MED23: variants seen among roughly 807,000 people sequenced by gnomAD.
MED23 encodes the protein mediator complex subunit 23.
MED23 carries 105 observed loss-of-function variants against 163.9 expected under a neutral mutation model. The observed-to-expected ratio is 0.64, with a 90% confidence interval of 0.55 to 0.75. The LOEUF (loss-of-function observed/expected upper bound fraction) is 0.75. Ranked by LOEUF, MED23 falls within the 30% of genes least tolerant of loss-of-function variation. MED23 has a pLI of 0.00. For synonymous variants in MED23, 561 were observed against 565.6 expected, an observed-to-expected ratio of 0.99 and a Z score of 0.12; for missense variants, 1,054 against 1,649.0, an observed-to-expected ratio of 0.64 and a Z score of 6.25.
At chr6:131,583,911 G>T, downstream of MED23, 1 of 1,613,922 alleles carries the variant, frequency 6.2e-7, no homozygotes, top group Non-Finnish European at 8.5e-7. Flanking sequence ...CTAAGTAAAT[G>T]TGGAAACATC....
At chr6:131,608,658 G>A (rs1350254002) in intron 11 of MED23, among the ~76,000 whole-genome samples, 6 of 151,970 alleles carry the variant, frequency 3.9e-5, no homozygotes, top group Non-Finnish European at 7.4e-5. Context: ...CACCGGCTTC[G>A]GCCTCCCAAA....
chr6:131,618,314 G>C, intron 9 of MED23, 93 bp downstream of exon 9: 2 of 845,556 alleles, frequency 2.4e-6, no homozygotes, highest in African/African-American at 3.4e-5. Context: ...TACTTCTTCA[G>C]ATTATGAAGC....
intron 17 of MED23, among the ~76,000 whole-genome samples, chr6:131,601,565 C>CA (rs1000944373): frequency 6.6e-6 from 1 of 152,134 alleles, no homozygotes; most frequent in Non-Finnish European, 1.5e-5. Context: ...AGAACATTCC[C>CA]AATTATCTGA....
rs1774875550 is a variant in MED23 at position 131,594,282 on chromosome 6, T to G, written c.3049A>C (p.Arg1017=). 6.2e-7 allele frequency: 1 copy of G among 1,614,042 alleles called. No individual in the cohort carries two copies. Among genetic ancestry groups the G allele is most frequent in the South Asian group, 1.1e-5 (1 of 91,078 alleles). ...TTTCGTTTGAGAAATGCGCGGTCTC[T>G]CAGGTGCATTTCATAATAGTGCAGA... is the stretch of plus-strand genomic sequence containing the variant. ...NTLHYYEMHL[R]DRAFLKRKLV... is the part of the protein sequence containing the mutation. Residue 1017 remains arginine (R), a synonymous_variant, in exon 23 of 29, where the codon AGA becomes CGA. Transcript: ENST00000368068.
chr6:131,574,075 G>T, exon 31 of MED23: 4 of 606,330 alleles, frequency 6.6e-6, no homozygotes, highest in Admixed American at 5.3e-5. Context: ...TTTTTTTTCT[G>T]CCTGGGCACA....
At chr6:131,616,742 G>A (rs1776718412) in intron 9 of MED23, among the ~76,000 whole-genome samples, 1 of 152,186 alleles carries the variant, frequency 6.6e-6, no homozygotes, top group South Asian at 2.1e-4. Flanking sequence ...GGTCACCTGA[G>A]CCCCAAAGGT....
At chr6:131,613,091 C>T (rs1776398015) in intron 10 of MED23, among the ~76,000 whole-genome samples, 1 of 151,802 alleles carries the variant, frequency 6.6e-6, no homozygotes, top group African/African-American at 2.4e-5. Context: ...AAGAAAGTTA[C>T]CCATAATCAG....
At position 131,627,676 on chromosome 6, in the gene MED23, TA is replaced by T. The variant is rs200823095; in HGVS notation, c.40-5del. On this transcript the variant is annotated splice_region_variant and splice_polypyrimidine_tract_variant and intron_variant, in intron 1 of 28. Coordinates refer to ENST00000368068, the MANE Select transcript of MED23 (RefSeq NM_004830.4). ...CCTCTTCTATAACTTCCGTTTTCTGTAAAAAAAAAAAAAACAAAATGTAAAC... is the reference window on the plus strand; with the variant it reads ...CCTCTTCTATAACTTCCGTTTTCTGTAAAAAAAAAAAAACAAAATGTAAAC... 65,653 of 1,367,116 alleles carry T rather than the reference TA, an allele frequency of 0.048. No homozygotes were observed. Among genetic ancestry groups the T allele is most frequent in the Non-Finnish European group, 0.052 (52,340 of 999,674 alleles). 84.7% of individuals were successfully genotyped at this position (1,367,116 alleles called of 1,614,324 possible). A position where few individuals can be genotyped will look rare whatever the true frequency, so the allele number is the denominator to read the frequency against.
At chr6:131,580,890 AG>A (rs1409812781) in intron 30 of MED23, among the ~76,000 whole-genome samples, 1 of 152,226 alleles carries the variant, frequency 6.6e-6, no homozygotes, top group African/African-American at 2.4e-5. Context: ...TCTCATGCTA[AG>A]GAATTTCTTG....
At chr6:131,605,848 A>G (rs1469162234) in intron 13 of MED23, among the ~76,000 whole-genome samples, 2 of 152,182 alleles carry the variant, frequency 1.3e-5, no homozygotes, top group Admixed American at 6.5e-5. Flanking sequence ...AGATACCACT[A>G]TGAAAAGGTG....
At position 131,627,521 on chromosome 6, in the gene MED23, T is replaced by C. The variant is rs752647823; in HGVS notation, c.72-38A>G. 3 of 1,599,252 alleles carry C rather than the reference T, an allele frequency of 1.9e-6. No individual in the cohort carries two copies. The South Asian group carries it at 3.3e-5, about 18-fold the overall frequency. ...AAATTACATTATTTGTCATTCGTTT[T>C]AAAAAGGTAATTACACACAATCAGA... On this transcript the variant is annotated intron_variant, in intron 2 of 28. Coordinates refer to ENST00000368068, the MANE Select transcript of MED23 (RefSeq NM_004830.4).
chr6:131,604,031 T>C (rs951900273), intron 15 of MED23, 147 bp downstream of exon 15: 13 of 780,566 alleles, frequency 1.7e-5, no homozygotes, highest in South Asian at 1.5e-4. Flanking sequence ...ATCTGACATA[T>C]TGTATATTTC....
At chr6:131,600,557 T>G (rs1424416364) in intron 17 of MED23, among the ~76,000 whole-genome samples, 1 of 152,194 alleles carries the variant, frequency 6.6e-6, no homozygotes, top group East Asian at 1.9e-4. Flanking sequence ...ACATAATGCA[T>G]GTATAAATCT....
In MED23 at chr6:131,591,305, A is replaced by G. The variant is rs759441859; in HGVS notation, c.3686+8T>C. ...CGTCAAATTTCTTTAAGAAATTATT[A>G]TACTTACTTTGGAATGAGAGAAAGT... On this transcript the variant is annotated splice_region_variant and intron_variant, in intron 26 of 28. Transcript: ENST00000368068. 1.2e-6 allele frequency: 2 copies of G among 1,600,440 alleles called. No individual in the cohort carries two copies. The highest frequency in any genetic ancestry group is 2.2e-5 in the South Asian group (2 of 90,796).
chr6:131,609,714 C>G (rs986164693), intron 11 of MED23, among the ~76,000 whole-genome samples: 12 of 144,782 alleles, frequency 8.3e-5, no homozygotes, highest in African/African-American at 2.3e-4. Flanking sequence ...TATATGTACT[C>G]TATATATATA....
At chr6:131,583,851 C>T (rs373480378), downstream of MED23, 504 of 1,614,104 alleles carry the variant, frequency 3.1e-4, 5 homozygotes, top group South Asian at 5.0e-3. Flanking sequence ...TGGCTTGTTT[C>T]GGACTTGCTC....
intron 24 of MED23, 39 bp from the exon 25 acceptor site, chr6:131,592,499 A>G (rs1010163444): frequency 2.2e-5 from 34 of 1,555,638 alleles, no homozygotes; most frequent in Non-Finnish European, 2.8e-5. Flanking sequence ...TGAATTTATA[A>G]AAACATTTTA....
rs200473559 is a variant in MED23 at position 131,596,179 on chromosome 6, G to A, written c.2779-16C>T. 5.6e-5 allele frequency: 90 copies of A among 1,604,580 alleles called. No homozygotes were observed. The highest frequency in any genetic ancestry group is 2.5e-5 in the Non-Finnish European group (29 of 1,171,322). ...CTGGATATTTCTGTGGAATTGAGAA[G>A]ATGATAAATGGTTAGAGCATTTTTT... On this transcript the variant is annotated splice_polypyrimidine_tract_variant and intron_variant, in intron 21 of 28. Coordinates refer to ENST00000368068, the MANE Select transcript of MED23 (RefSeq NM_004830.4).
chr6:131,588,703 A>C (rs1774354675), intron 28 of MED23, among the ~76,000 whole-genome samples: 1 of 152,060 alleles, frequency 6.6e-6, no homozygotes, highest in Non-Finnish European at 1.5e-5. Flanking sequence ...GATGGACTTA[A>C]CTTTCCCTAT....
Sources: gnomAD v4.1 joint callset for allele counts (sites outside exome capture counted in the v4.1 genomes callset) on GRCh38, gnomAD v4.1.1 for gene constraint, MANE v1.5 for transcripts, NCBI Gene and HGNC (gene_info 2026-07-23, HGNC 2026-07-21) for gene names.